Variants in DSG2 observed in about 807,000 individuals in gnomAD.
DSG2 encodes the protein desmoglein-2.
A neutral mutation model predicts 75.6 loss-of-function variants in DSG2; 45 were observed. The ratio of observed to expected loss-of-function variants is 0.60; its 90% confidence interval spans 0.47 to 0.76. DSG2 has a LOEUF of 0.76. Ranked by LOEUF, DSG2 falls within the 30% of genes least tolerant of loss-of-function variation. DSG2 has a pLI of 0.00. For synonymous variants in DSG2, 429 were observed against 483.9 expected, an observed-to-expected ratio of 0.89 and a Z score of 1.49; for missense variants, 1,267 against 1,357.4, an observed-to-expected ratio of 0.93 and a Z score of 1.05.
At chr18:31,503,565 A>T (rs2073024636) in intron 1 of DSG2, among the ~76,000 whole-genome samples, 2 of 152,196 alleles carry the variant, frequency 1.3e-5, no homozygotes, top group South Asian at 4.1e-4. Flanking sequence ...GTTTTCAGGG[A>T]GGTATTCACA....
At chr18:31,542,464 A>T in intron 13 of DSG2, 56 bp from the exon 14 acceptor site, 6 of 1,582,502 alleles carry the variant, frequency 3.8e-6, no homozygotes, top group Non-Finnish European at 4.3e-6. Context: ...TCTACCAAGG[A>T]TGAAGGATTC....
rs10163532 is a variant in DSG2 at position 31,531,486 on chromosome 18, A to G, written c.1280+234A>G. Among the ~76,000 whole-genome samples the G allele has an allele frequency of 0.26, 39,949 of 152,106 alleles. 5,362 individuals carry two copies. The highest frequency in any genetic ancestry group is 0.3 in the East Asian group (1,525 of 5,164). ...GTGTGAGGAGGAAGTTAGTTTACTC[A>G]CCACTGAAACAGTTCTGGCTAGAGA... is the stretch of plus-strand genomic sequence containing the variant. On this transcript the variant is annotated intron_variant, in intron 9 of 14. Coordinates refer to ENST00000261590, the MANE Select transcript of DSG2 (RefSeq NM_001943.5).
rs765770530 is a variant in DSG2, at chr18:31,521,089, A to T, written c.379-10A>T. 6.2e-7 allele frequency: 1 copy of T among 1,613,864 alleles called. No homozygotes were observed. Among genetic ancestry groups the T allele is most frequent in the South Asian group, 1.1e-5 (1 of 91,046 alleles). ...GCTTAAATCTAATCTTATTTATGTC[A>T]TGATTTCAGCTAACAGGTTACGCTT... is the stretch of plus-strand genomic sequence containing the variant. On this transcript the variant is annotated splice_polypyrimidine_tract_variant and intron_variant, in intron 4 of 14. Transcript: ENST00000261590.
chr18:31,514,202 A>G (rs887198132), intron 1 of DSG2, among the ~76,000 whole-genome samples: 1 of 152,244 alleles, frequency 6.6e-6, no homozygotes, highest in South Asian at 2.1e-4. Context: ...ACAAATGTAC[A>G]GCAGCTATTT....
At chr18:31,525,417 G>A (rs1214201426) in intron 8 of DSG2, among the ~76,000 whole-genome samples, 2 of 151,952 alleles carry the variant, frequency 1.3e-5, no homozygotes, top group Non-Finnish European at 2.9e-5. Flanking sequence ...TACTAAAGAG[G>A]CTTAGGTGAG....
rs960627545 is a variant in DSG2, at chr18:31,518,246, T to G, written c.53T>G (p.Phe18Cys). The change falls in exon 2 of 15, where the codon TTT becomes TGT. Residue 18 changes from phenylalanine to cysteine, a missense_variant. Coordinates refer to ENST00000261590, the MANE Select transcript of DSG2 (RefSeq NM_001943.5). ...AATAATTTTATTTTACAGATCTGCT[T>G]TAACGTTGGAAGTGGACTTCACTTA... Reference protein sequence around the residue: ...AYALLLLLICFNVGSGLHLQV... With the variant: ...AYALLLLLICCNVGSGLHLQV... 1 of 1,612,974 alleles carries G rather than the reference T, an allele frequency of 6.2e-7. No individual in the cohort carries two copies. The highest frequency in any genetic ancestry group is 8.5e-7 in the Non-Finnish European group (1 of 1,179,016).
intron 1 of DSG2, among the ~76,000 whole-genome samples, chr18:31,501,320 G>C (rs1372863796): frequency 6.6e-6 from 1 of 152,200 alleles, no homozygotes; most frequent in East Asian, 1.9e-4. Flanking sequence ...AATGAAGCTT[G>C]TGCTTTAAAA....
At chr18:31,502,487 C>T (rs1003512438) in intron 1 of DSG2, among the ~76,000 whole-genome samples, 1 of 152,236 alleles carries the variant, frequency 6.6e-6, no homozygotes, top group African/African-American at 2.4e-5. Flanking sequence ...CAGTGGCTCA[C>T]GCCTGTAATC....
intron 8 of DSG2, among the ~76,000 whole-genome samples, chr18:31,527,195 T>C (rs1384905010): frequency 1.3e-5 from 2 of 152,228 alleles, no homozygotes; most frequent in East Asian, 1.9e-4. Context: ...AATACTATTA[T>C]ATTATAATTG....
chr18:31,545,524 CT>C (rs1436809804), intron 14 of DSG2, among the ~76,000 whole-genome samples, 196 bp from the exon 15 acceptor site: 2 of 152,042 alleles, frequency 1.3e-5, no homozygotes, highest in Non-Finnish European at 2.9e-5. Context: ...TATTTTTTCC[CT>C]GATATTAATT....
At chr18:31,530,127 T>C (rs892001902) in intron 8 of DSG2, among the ~76,000 whole-genome samples, 6 of 152,152 alleles carry the variant, frequency 3.9e-5, no homozygotes, top group African/African-American at 1.2e-4. Flanking sequence ...CAGATATTAA[T>C]AGGTATTATG....
chr18:31,527,239 G>A (rs577943898), intron 8 of DSG2, among the ~76,000 whole-genome samples: 41 of 152,286 alleles, frequency 2.7e-4, no homozygotes, highest in African/African-American at 9.4e-4. Flanking sequence ...ATGCTATACA[G>A]GTTTGTAGCA....
rs879254344 is a variant in DSG2 at position 31,546,740 on chromosome 18, C to G, written c.3354C>G (p.Ser1118=). ...TKHSTVQHSY[S] is the part of the protein sequence containing the mutation. ...ATAGCACTGTACAGCATTCTTACTC[C>G]TAAACAGCAGTCAGCCACAAACTGA... Residue 1118 remains serine, a synonymous_variant, in exon 15 of 15, where the codon TCC becomes TCG. Coordinates refer to ENST00000261590, the MANE Select transcript of DSG2 (RefSeq NM_001943.5). 2.5e-6 allele frequency: 4 copies of G among 1,613,840 alleles called. No homozygotes were observed. In the African/African-American group the frequency reaches 4.0e-5, roughly 16 times the overall value.
chr18:31,538,150 C>T (rs929701456), intron 11 of DSG2, among the ~76,000 whole-genome samples: 1 of 152,048 alleles, frequency 6.6e-6, no homozygotes, highest in South Asian at 2.1e-4. Flanking sequence ...GCAAAGAAAG[C>T]ATTGTTGCAA....
intron 5 of DSG2, 78 bp from the exon 6 acceptor site, chr18:31,522,005 C>T: frequency 1.4e-6 from 2 of 1,403,422 alleles, no homozygotes; most frequent in South Asian, 2.5e-5. Flanking sequence ...TTGGAACAAG[C>T]TAAAATTATA....
chr18:31,527,591 A>G (rs2073170082), intron 8 of DSG2, among the ~76,000 whole-genome samples: 2 of 152,256 alleles, frequency 1.3e-5, no homozygotes, highest in South Asian at 4.1e-4. Context: ...ATCGAAAGGA[A>G]TTTAGACAAA....
Position 31,546,548 on chromosome 18 carries a change from T to C in DSG2, c.3162T>C (p.Ala1054=), listed in dbSNP as rs1249691625. Residue 1054 remains alanine (A), a synonymous_variant, in exon 15 of 15, where the codon GCT becomes GCC. Transcript: ENST00000261590. ...TGACAGAAAGAGTTCTAGCACCTGC[T>C]TCCACTCTGCAATCCAGTTACCAGA... is the stretch of plus-strand genomic sequence containing the variant. The part of the protein sequence containing the change: ...VTVTERVLAP[A]STLQSSYQIP... The C allele has an allele frequency of 6.2e-7, 1 of 1,614,172 alleles. No individual in the cohort carries two copies. Among genetic ancestry groups the C allele is most frequent in the Admixed American group, 1.7e-5 (1 of 60,026 alleles).
chr18:31,524,772 GA>G lies in DSG2; in HGVS notation c.901del (p.Ile301Ter). The G allele has an allele frequency of 6.2e-7, 1 of 1,614,180 alleles. No individual in the cohort carries two copies. Among genetic ancestry groups the G allele is most frequent in the Non-Finnish European group, 8.5e-7 (1 of 1,180,030 alleles). On this transcript the variant is annotated frameshift_variant, in exon 8 of 15. Coordinates refer to ENST00000261590, the MANE Select transcript of DSG2 (RefSeq NM_001943.5). LOFTEE classifies it high-confidence loss of function. Reference sequence around the variant, plus strand: ...GCGCATAAAAGTGTTCGATGCAGATGAAATAGGTTCTGATAATTGGCTGGCA... The same window carrying G: ...GCGCATAAAAGTGTTCGATGCAGATGAATAGGTTCTGATAATTGGCTGGCA... ...VTRIKVFDAD[E>X]IGSDNWLANF...
At chr18:31,518,929 T>C (rs2073110622) in intron 2 of DSG2, among the ~76,000 whole-genome samples, 1 of 152,204 alleles carries the variant, frequency 6.6e-6, no homozygotes, top group Admixed American at 6.5e-5. Flanking sequence ...TGGAAATTTA[T>C]AGAATGGTTT....
Sources: allele counts gnomAD v4.1 joint callset (sites outside exome capture counted in the v4.1 genomes callset), GRCh38; gene constraint gnomAD v4.1.1; transcripts MANE v1.5; gene names NCBI Gene and HGNC (gene_info 2026-07-23, HGNC 2026-07-21).